Variants in AFF4 observed in about 807,000 individuals in gnomAD.
AFF4 encodes ALF transcription elongation factor 4.
Under a neutral mutation model 124.8 loss-of-function variants are expected in AFF4, and 13 were observed. The ratio of observed to expected loss-of-function variants is 0.10; its 90% CI spans 0.07 to 0.17. The LOEUF (loss-of-function observed/expected upper bound fraction) is 0.17, where lower values mean the gene tolerates loss of function less well. AFF4 is among the 10% of genes least tolerant of loss of function. AFF4 has a pLI of 1.00. For missense variants in AFF4, 1,092 were observed against 1,403.8 expected (o/e 0.78, Z 3.55); for synonymous variants, 477 against 496.1 (o/e 0.96, Z 0.51).
chr5:132,909,928 C>A lies in AFF4; in HGVS notation c.1051-5524G>T, dbSNP rs541606981. 2.6e-5 allele frequency among the ~76,000 whole-genome samples: 4 copies of A among 152,230 alleles called. No homozygotes were observed. In the South Asian group the frequency reaches 8.3e-4, roughly 32 times the overall value. On this transcript the variant is annotated intron_variant, in intron 5 of 20. Transcript: ENST00000265343. ...GGAGAAGATAAGATTTGTGAAGCACCTAGGTAAAGAGGTTCTAGGTAAAGA... is the reference window on the plus strand; with the variant it reads ...GGAGAAGATAAGATTTGTGAAGCACATAGGTAAAGAGGTTCTAGGTAAAGA...
Position 132,876,839 on chromosome 5 carries a change from G to T in AFF4, c.*4220C>A. 5.0e-6 allele frequency: 1 copy of T among 198,230 alleles called. No individual in the cohort carries two copies. Among genetic ancestry groups the T allele is most frequent in the Non-Finnish European group, 1.0e-5 (1 of 95,816 alleles). 12.3% of individuals were successfully genotyped at this position (198,230 alleles called of 1,614,324 possible). On this transcript the variant is annotated 3_prime_UTR_variant, in exon 21 of 21. Transcript: ENST00000265343. Reference sequence around the variant, plus strand: ...CTTGCTAACTTGGTTTTGGGGTCTAGAGGTCTAAAGTGAATTTCTCCATTA... The same window carrying T: ...CTTGCTAACTTGGTTTTGGGGTCTATAGGTCTAAAGTGAATTTCTCCATTA...
intron 4 of AFF4, among the ~76,000 whole-genome samples, chr5:132,929,526 T>C (rs77068324): frequency 0.035 from 5,348 of 152,206 alleles, 301 homozygotes; most frequent in African/African-American, 0.12. Context: ...GAGCTATCAC[T>C]GTGGTCTCAC....
intron 1 of AFF4, among the ~76,000 whole-genome samples, chr5:132,946,550 G>A (rs913590210): frequency 5.9e-5 from 9 of 152,104 alleles, no homozygotes; most frequent in African/African-American, 4.8e-5. Flanking sequence ...ACCTTGAAAC[G>A]TTATGCTATG....
intron 1 of AFF4, among the ~76,000 whole-genome samples, chr5:132,947,035 T>A (rs781564191): frequency 1.3e-5 from 2 of 151,518 alleles, no homozygotes; most frequent in African/African-American, 4.9e-5. Context: ...TTGTGGCAAC[T>A]GAGTGAGACT....
intron 3 of AFF4, 109 bp from the exon 4 acceptor site, chr5:132,932,331 T>C: frequency 3.8e-6 from 3 of 793,972 alleles, no homozygotes; most frequent in Non-Finnish European, 4.0e-6. Context: ...CTACTCTAAA[T>C]CAGTACACTG....
At chr5:132,961,155 G>C (rs1762072778) in intron 1 of AFF4, among the ~76,000 whole-genome samples, 1 of 152,122 alleles carries the variant, frequency 6.6e-6, no homozygotes, top group Non-Finnish European at 1.5e-5. Context: ...AACCCAGGAG[G>C]CAGAGGTTGC....
chr5:132,885,466 G>GGGGTGGGTGGGT (rs528503753), intron 18 of AFF4, among the ~76,000 whole-genome samples: 12 of 117,376 alleles, frequency 1.0e-4, no homozygotes, highest in African/African-American at 3.5e-4. Flanking sequence ...TCTTAAAAAA[G>GGGGTGGGTGGGT]GGGTGGGTGG....
chr5:132,948,061 T>G (rs1385296114), intron 1 of AFF4, among the ~76,000 whole-genome samples: 5 of 151,212 alleles, frequency 3.3e-5, no homozygotes, highest in Admixed American at 1.3e-4. Context: ...AAATTGTGCT[T>G]TTTTTTTTGA....
chr5:132,961,057 A>G (rs1166655862), intron 1 of AFF4, among the ~76,000 whole-genome samples: 1 of 152,098 alleles, frequency 6.6e-6, no homozygotes, highest in East Asian at 1.9e-4. Context: ...CCCCGTCTCT[A>G]CTAAAAATAC....
intron 1 of AFF4, among the ~76,000 whole-genome samples, chr5:132,940,510 T>C (rs912288601): frequency 6.6e-6 from 1 of 151,438 alleles, no homozygotes; most frequent in East Asian, 1.9e-4. Flanking sequence ...CAAAAAAAAA[T>C]AAAAATAAAA....
intron 7 of AFF4, chr5:132,901,095 CAG>C: frequency 1.0e-6 from 1 of 985,412 alleles, no homozygotes; most frequent in Non-Finnish European, 1.2e-6. Flanking sequence ...TTCTTTCAGA[CAG>C]GGGCTTAGTG....
At chr5:132,931,039 G>A (rs191629636) in intron 4 of AFF4, among the ~76,000 whole-genome samples, 2,020 of 149,026 alleles carry the variant, frequency 0.014, 21 homozygotes, top group Admixed American at 0.019. Flanking sequence ...CCTGCGAGGC[G>A]GAGGTTGCAG....
intron 1 of AFF4, among the ~76,000 whole-genome samples, chr5:132,946,818 C>A (rs1383316351): frequency 9.2e-5 from 14 of 151,992 alleles, no homozygotes; most frequent in Non-Finnish European, 2.1e-4. Flanking sequence ...ATTAGTACAC[C>A]TTAAAAATAA....
chr5:132,909,842 G>C (rs1291681394), intron 5 of AFF4, among the ~76,000 whole-genome samples: 2 of 152,096 alleles, frequency 1.3e-5, no homozygotes, highest in African/African-American at 2.4e-5. Context: ...TGTAATTCCT[G>C]TTAAAGCAGC....
At position 132,948,974 on chromosome 5, in the gene AFF4, T is replaced by C. The variant is rs192829105; in HGVS notation, c.-4-11781A>G. Among the ~76,000 whole-genome samples the C allele has an allele frequency of 2.0e-5, 3 of 152,282 alleles. No individual in the cohort carries two copies. The East Asian group carries it at 5.8e-4, about 29-fold the overall frequency. ...CTGATTCCACACAATGTTTATGGAC[T>C]CTTCCAAGACAGAAGATGCTCTCTT... On this transcript the variant is annotated intron_variant, in intron 1 of 20. Coordinates refer to ENST00000265343, the MANE Select transcript of AFF4 (RefSeq NM_014423.4).
At position 132,880,900 on chromosome 5, in the gene AFF4, TGATCGCTTTG is replaced by T; in HGVS notation, c.*149_*158del. The T allele has an allele frequency of 2.4e-6, 2 of 822,872 alleles. No homozygotes were observed. Among genetic ancestry groups the T allele is most frequent in the Middle Eastern group, 4.9e-4 (2 of 4,098 alleles). The allele number at this position is 822,872 out of a possible 1,614,324, so 51.0% of individuals were successfully genotyped here. A position where few individuals can be genotyped will look rare whatever the true frequency, so the allele number is the denominator to read the frequency against. ...GGAAATATTAAAGGGCCAACTGACA[TGATCGCTTTG>T]GATTATCAAAAACAACAACACATGA... On this transcript the variant is annotated 3_prime_UTR_variant, in exon 21 of 21. Coordinates refer to ENST00000265343, the MANE Select transcript of AFF4 (RefSeq NM_014423.4).
chr5:132,878,400 G>A lies in AFF4; in HGVS notation c.*2659C>T. On this transcript the variant is annotated 3_prime_UTR_variant, in exon 21 of 21. Coordinates refer to ENST00000265343, the MANE Select transcript of AFF4 (RefSeq NM_014423.4). Reference sequence around the variant, plus strand: ...ATAATTAACCATATACTAAGTACAAGTCTCAGACTAAGTTTTTAGCCACTT... The same window carrying A: ...ATAATTAACCATATACTAAGTACAAATCTCAGACTAAGTTTTTAGCCACTT... 4.3e-6 allele frequency: 1 copy of A among 230,910 alleles called. No homozygotes were observed. The allele number at this position is 230,910 out of a possible 1,614,324, so 14.3% of individuals were successfully genotyped here. A position where few individuals can be genotyped will look rare whatever the true frequency, so the allele number is the denominator to read the frequency against.
At chr5:132,919,447 T>C (rs1219802266) in intron 5 of AFF4, among the ~76,000 whole-genome samples, 3 of 152,228 alleles carry the variant, frequency 2.0e-5, no homozygotes, top group African/African-American at 7.2e-5. Flanking sequence ...AGATGCTAAT[T>C]GGATATGTAC....
chr5:132,888,533 T>G (rs1760174624), intron 14 of AFF4, among the ~76,000 whole-genome samples: 1 of 152,164 alleles, frequency 6.6e-6, no homozygotes, highest in South Asian at 2.1e-4. Context: ...AACAGTGATA[T>G]CAGCAGTAGT....
Sources: gnomAD v4.1 joint callset for allele counts (sites outside exome capture counted in the v4.1 genomes callset) on GRCh38, gnomAD v4.1.1 for gene constraint, MANE v1.5 for transcripts, NCBI Gene and HGNC (gene_info 2026-07-23, HGNC 2026-07-21) for gene names.